AAK1: variants seen among roughly 807,000 people sequenced by gnomAD.
AAK1 encodes the protein AP2 associated kinase 1.
A neutral mutation model predicts 116.0 loss-of-function variants in AAK1; 37 were observed. The ratio of observed to expected loss-of-function variants is 0.32; its 90% CI spans 0.25 to 0.42. AAK1 has a LOEUF of 0.42. AAK1 is among the 10% of genes least tolerant of loss of function. AAK1 has a pLI of 1.00. For missense variants in AAK1, 919 were observed against 1,170.6 expected (o/e 0.79, Z 3.14); for synonymous variants, 458 against 439.9 (o/e 1.04, Z -0.51).
At chr2:69,496,701 C>T (rs1397368531) in intron 16 of AAK1, among the ~76,000 whole-genome samples, 1 of 152,146 alleles carries the variant, frequency 6.6e-6, no homozygotes, top group Non-Finnish European at 1.5e-5. Flanking sequence ...GAGGTAATGT[C>T]CATATCACAC....
intron 14 of AAK1, among the ~76,000 whole-genome samples, chr2:69,508,005 C>T: frequency 6.6e-6 from 1 of 152,214 alleles, no homozygotes; most frequent in East Asian, 1.9e-4. Context: ...CTGCATCCAG[C>T]CCACAGTGTT....
chr2:69,595,056 C>T, intron 2 of AAK1: 1 of 730,082 alleles, frequency 1.4e-6, no homozygotes, highest in Non-Finnish European at 2.5e-6. Flanking sequence ...GAACGTTCAC[C>T]ATGTTTGCGT....
intron 5 of AAK1, among the ~76,000 whole-genome samples, chr2:69,534,941 A>C (rs1670400264): frequency 6.6e-6 from 1 of 152,250 alleles, no homozygotes; most frequent in African/African-American, 2.4e-5. Flanking sequence ...TAAGAATACA[A>C]AACTTTAGAG....
intron 2 of AAK1, among the ~76,000 whole-genome samples, chr2:69,568,489 G>A (rs1671968371): frequency 6.8e-6 from 1 of 148,056 alleles, no homozygotes; most frequent in Admixed American, 6.7e-5. Context: ...GGAGTGCAGT[G>A]GTGCAATCAT....
At chr2:69,520,534 AC>A (rs1434679631) in intron 11 of AAK1, among the ~76,000 whole-genome samples, 1 of 149,990 alleles carries the variant, frequency 6.7e-6, no homozygotes, top group East Asian at 1.9e-4. Flanking sequence ...AATTTTTTGT[AC>A]TTTTTTTTTT....
intron 2 of AAK1, among the ~76,000 whole-genome samples, chr2:69,634,183 A>T (rs958942443): frequency 3.9e-5 from 6 of 152,332 alleles, no homozygotes; most frequent in South Asian, 4.1e-4. Flanking sequence ...TATATATATA[A>T]AAAGAATGTT....
At chr2:69,586,051 G>C (rs1050091694) in intron 2 of AAK1, among the ~76,000 whole-genome samples, 4 of 152,182 alleles carry the variant, frequency 2.6e-5, no homozygotes, top group Admixed American at 2.6e-4. Context: ...CAAGGGGTCT[G>C]GGAAAAACTC....
chr2:69,594,734 G>C, intron 2 of AAK1: 1 of 737,248 alleles, frequency 1.4e-6, no homozygotes, highest in Non-Finnish European at 2.3e-6. Context: ...AAAAGAAAAG[G>C]TAACACTTAG....
At chr2:69,518,130 C>T (rs1676658622) in intron 12 of AAK1, among the ~76,000 whole-genome samples, 1 of 151,972 alleles carries the variant, frequency 6.6e-6, no homozygotes, top group East Asian at 1.9e-4. Context: ...TCCAAAAAAA[C>T]AGATATACTC....
intron 11 of AAK1, 90 bp from the exon 12 acceptor site, chr2:69,519,330 AC>A: frequency 6.9e-7 from 1 of 1,447,974 alleles, no homozygotes; most frequent in South Asian, 1.5e-5. Context: ...ATAGGGGGTG[AC>A]AAGTGTGCAG....
At chr2:69,535,603 G>C (rs1421777145) in intron 5 of AAK1, among the ~76,000 whole-genome samples, 2 of 152,076 alleles carry the variant, frequency 1.3e-5, no homozygotes, top group Non-Finnish European at 2.9e-5. Flanking sequence ...AGTCGGGGAA[G>C]GTCTCTCCAA....
Position 69,494,916 on chromosome 2 carries a change from A to C in AAK1, c.2365+1069T>G, listed in dbSNP as rs78304751. Among the ~76,000 whole-genome samples the C allele has an allele frequency of 6.9e-3, 1,056 of 152,292 alleles. 17 individuals carry two copies. The highest frequency in any genetic ancestry group is 0.057 in the East Asian group (296 of 5,178). On this transcript the variant is annotated intron_variant, in intron 17 of 21. Coordinates refer to ENST00000409085, the MANE Select transcript of AAK1 (RefSeq NM_014911.5). ...AAAATAAAAACTGCCTTGGTACCCT[A>C]GCTGCAGTCTGTCTTAGTGATGGTG...
intron 2 of AAK1, among the ~76,000 whole-genome samples, chr2:69,622,883 T>G (rs994448065): frequency 1.3e-5 from 2 of 152,068 alleles, no homozygotes; most frequent in African/African-American, 4.8e-5. Flanking sequence ...AACGCACCAA[T>G]CAGCACCCTG....
intron 2 of AAK1, among the ~76,000 whole-genome samples, chr2:69,578,185 G>A (rs745687481): frequency 6.6e-6 from 1 of 152,212 alleles, no homozygotes; most frequent in Non-Finnish European, 1.5e-5. Flanking sequence ...CACACATCCC[G>A]ATAGGGTTAC....
chr2:69,605,649 A>C (rs1255448986), intron 2 of AAK1, among the ~76,000 whole-genome samples: 1 of 152,218 alleles, frequency 6.6e-6, no homozygotes, highest in African/African-American at 2.4e-5. Flanking sequence ...GATGTTTTAC[A>C]CCAGTTTTAC....
chr2:69,601,632 C>G (rs1673583739), intron 2 of AAK1, among the ~76,000 whole-genome samples: 1 of 151,972 alleles, frequency 6.6e-6, no homozygotes, highest in African/African-American at 2.4e-5. Flanking sequence ...TTCAATTAAC[C>G]TTTGCAAAGA....
In AAK1 at chr2:69,472,704, CA is replaced by C. The variant is rs1468349158; in HGVS notation, c.*3164del. The C allele has an allele frequency of 5.1e-6, 5 of 985,278 alleles. No homozygotes were observed. In the Admixed American group the frequency reaches 3.1e-4, roughly 61 times the overall value. 61.0% of individuals were successfully genotyped at this position (985,278 alleles called of 1,614,324 possible). A position where few individuals can be genotyped will look rare whatever the true frequency, so the allele number is the denominator to read the frequency against. On this transcript the variant is annotated 3_prime_UTR_variant, in exon 22 of 22. Coordinates refer to ENST00000409085, the MANE Select transcript of AAK1 (RefSeq NM_014911.5). ...TTTTCTGCTATAGTTACTCCTCTTA[CA>C]TAGCTGGAATAAAAGCAAATCAGAA...
In AAK1 at chr2:69,469,183, C is replaced by T. The variant is rs1213042334; in HGVS notation, c.*6686G>A. The T allele has an allele frequency of 3.0e-6, 3 of 985,226 alleles. No homozygotes were observed. The highest frequency in any genetic ancestry group is 1.7e-5 in the African/African-American group (1 of 57,208). The allele number at this position is 985,226 out of a possible 1,614,324, so 61.0% of individuals were successfully genotyped here. On this transcript the variant is annotated 3_prime_UTR_variant, in exon 22 of 22. Coordinates refer to ENST00000409085, the MANE Select transcript of AAK1 (RefSeq NM_014911.5). Reference sequence around the variant, plus strand: ...TAGAGGAGGTACAGTGTGGCTGAGGCGGAGAGCAACCACACTTTGCAACTC... The same window carrying T: ...TAGAGGAGGTACAGTGTGGCTGAGGTGGAGAGCAACCACACTTTGCAACTC...
At position 69,519,216 on chromosome 2, in the gene AAK1, A is replaced by G; in HGVS notation, c.1235T>C (p.Leu412Ser). The G allele has an allele frequency of 6.3e-7, 1 of 1,586,152 alleles. No homozygotes were observed. Among genetic ancestry groups the G allele is most frequent in the Non-Finnish European group, 8.6e-7 (1 of 1,166,084 alleles). ...GGGTTTTGGTTGGGGAACACTGGCT[A>G]AAAGGCCAGGCTGATTGCTGGATCC... ...AAGSSNQPGL[L>S]ASVPQPKPQA... Residue 412 changes from leucine (L) to serine (S), a missense_variant, in exon 12 of 22, where the codon TTA becomes TCA. Leu to Ser is a moderately radical substitution (Grantham distance 145). This residue lies in a region of AAK1 where 214 missense variants were observed against 210.6 expected (regional missense o/e 1.02). Coordinates refer to ENST00000409085, the MANE Select transcript of AAK1 (RefSeq NM_014911.5).
Sources: allele counts gnomAD v4.1 joint callset (sites outside exome capture counted in the v4.1 genomes callset), GRCh38; gene constraint gnomAD v4.1.1; regional missense constraint gnomAD v4.1.1; transcripts MANE v1.5; gene names NCBI Gene and HGNC (gene_info 2026-07-23, HGNC 2026-07-21).